Variants in SASH1 observed in about 807,000 individuals in gnomAD.
SASH1 encodes the protein SAM and SH3 domain-containing protein 1.
Under a neutral mutation model 125.2 loss-of-function variants are expected in SASH1, and 44 were observed. That is an observed-to-expected ratio of 0.35 (90% CI 0.28 to 0.45). The LOEUF (loss-of-function observed/expected upper bound fraction) is 0.45. Among genes scored for constraint, SASH1 ranks in the 20% least tolerant of loss-of-function variants. The probability of loss-of-function intolerance (pLI) is 1.00; values close to 1 mark genes in which losing one functional copy is unlikely to be tolerated. For missense variants in SASH1, 1,426 were observed against 1,614.5 expected, an observed-to-expected ratio of 0.88 and a Z score of 2.00; for synonymous variants, 639 against 649.1, an observed-to-expected ratio of 0.98 and a Z score of 0.24.
At position 148,548,866 on chromosome 6, in the gene SASH1, C is replaced by G; in HGVS notation, c.*308C>G. On this transcript the variant is annotated 3_prime_UTR_variant, in exon 20 of 20. Coordinates refer to ENST00000367467, the MANE Select transcript of SASH1 (RefSeq NM_015278.5). ...CGAATGCTCTATCTCCAGTCTGTCT[C>G]TGTGTACTGGTAGAGGCTGGGAGGA... 1 of 277,380 alleles carries G rather than the reference C, an allele frequency of 3.6e-6. No homozygotes were observed. Among genetic ancestry groups the G allele is most frequent in the Non-Finnish European group, 6.8e-6 (1 of 147,344 alleles). The allele number at this position is 277,380 out of a possible 1,614,324, so 17.2% of individuals were successfully genotyped here.
intron 1 of SASH1, among the ~76,000 whole-genome samples, chr6:148,355,165 CATTT>C (rs1781880787): frequency 6.6e-6 from 1 of 152,184 alleles, no homozygotes; most frequent in Non-Finnish European, 1.5e-5. Context: ...AGACCATAAA[CATTT>C]ATTCTGAAAA....
At chr6:148,388,107 G>A (rs1783552474) in intron 1 of SASH1, among the ~76,000 whole-genome samples, 1 of 151,892 alleles carries the variant, frequency 6.6e-6, no homozygotes, top group African/African-American at 2.4e-5. Flanking sequence ...TAGAGACGGG[G>A]TTTCTCCATG....
intron 1 of SASH1, among the ~76,000 whole-genome samples, chr6:148,300,811 T>C (rs1582935527): frequency 6.6e-6 from 1 of 152,284 alleles, no homozygotes; most frequent in East Asian, 1.9e-4. Context: ...TCCTTTCATT[T>C]AGACCAAGGA....
chr6:148,348,869 G>T (rs1190501999), intron 1 of SASH1, among the ~76,000 whole-genome samples: 1 of 152,190 alleles, frequency 6.6e-6, no homozygotes, highest in African/African-American at 2.4e-5. Context: ...CAGCCCCACG[G>T]TCGCTGAGTA....
intron 8 of SASH1, among the ~76,000 whole-genome samples, chr6:148,491,583 T>G (rs1779113406): frequency 6.6e-6 from 1 of 152,208 alleles, no homozygotes; most frequent in Admixed American, 6.5e-5. Context: ...ACATTCATTC[T>G]TCCTGGCTGC....
At chr6:148,537,832 G>GTGTGTGTGTGTGT (rs1269680437) in intron 16 of SASH1, among the ~76,000 whole-genome samples, 2 of 141,444 alleles carry the variant, frequency 1.4e-5, no homozygotes, top group African/African-American at 2.6e-5. Context: ...GTGTGTGTGT[G>GTGTGTGTGTGTGT]GTTGGTGAGG....
At chr6:148,475,291 A>G (rs1447526165) in intron 7 of SASH1, among the ~76,000 whole-genome samples, 1 of 152,218 alleles carries the variant, frequency 6.6e-6, no homozygotes, top group Non-Finnish European at 1.5e-5. Context: ...GTAACAGAAT[A>G]CCACAGACTG....
intron 1 of SASH1, among the ~76,000 whole-genome samples, chr6:148,383,546 A>G (rs1182958884): frequency 6.6e-6 from 1 of 152,146 alleles, no homozygotes; most frequent in Non-Finnish European, 1.5e-5. Flanking sequence ...AGATACATAA[A>G]ATAGGAGGAT....
chr6:148,236,203 A>C, the SASH1 span, among the ~76,000 whole-genome samples: 1 of 151,802 alleles, frequency 6.6e-6, no homozygotes, highest in Non-Finnish European at 1.5e-5. Context: ...TAAATCACAC[A>C]GTTTATTAAA....
At chr6:148,403,886 A>G (rs1204929478) in intron 2 of SASH1, among the ~76,000 whole-genome samples, 3 of 152,360 alleles carry the variant, frequency 2.0e-5, no homozygotes, top group African/African-American at 7.2e-5. Context: ...TTCATATACC[A>G]TAATATTCAC....
chr6:148,419,806 A>C (rs1784980521), intron 2 of SASH1, among the ~76,000 whole-genome samples: 1 of 152,208 alleles, frequency 6.6e-6, no homozygotes, highest in Non-Finnish European at 1.5e-5. Flanking sequence ...CTATGTAGTA[A>C]TATGCATAAC....
chr6:148,227,368 T>A, the SASH1 span, among the ~76,000 whole-genome samples: 1 of 152,162 alleles, frequency 6.6e-6, no homozygotes, highest in Non-Finnish European at 1.5e-5. Flanking sequence ...TGTTTGTTTG[T>A]TTGTTTTGAG....
At chr6:148,455,625 A>G (rs912659784) in intron 4 of SASH1, among the ~76,000 whole-genome samples, 1 of 152,212 alleles carries the variant, frequency 6.6e-6, no homozygotes, top group East Asian at 1.9e-4. Flanking sequence ...GAATTTAAAA[A>G]TGAGATCTGA....
At chr6:148,518,597 CT>C (rs1367986001) in intron 9 of SASH1, among the ~76,000 whole-genome samples, 1 of 152,122 alleles carries the variant, frequency 6.6e-6, no homozygotes, top group Non-Finnish European at 1.5e-5. Context: ...GGAACTTTTC[CT>C]TTTTTCCTCT....
At chr6:148,390,728 C>T (rs1400510189) in intron 2 of SASH1, among the ~76,000 whole-genome samples, 1 of 150,820 alleles carries the variant, frequency 6.6e-6, no homozygotes, top group Non-Finnish European at 1.5e-5. Flanking sequence ...GCAGAGCTTG[C>T]AGTGAGCCAA....
chr6:148,384,416 CATG>C (rs1365091104), intron 1 of SASH1, among the ~76,000 whole-genome samples: 1 of 152,124 alleles, frequency 6.6e-6, no homozygotes, highest in Non-Finnish European at 1.5e-5. Context: ...GTGTTTTAAT[CATG>C]ATATTTATTA....
In SASH1 at chr6:148,549,441, A is replaced by G. The variant is rs972485603; in HGVS notation, c.*883A>G. On this transcript the variant is annotated 3_prime_UTR_variant, in exon 20 of 20. Coordinates refer to ENST00000367467, the MANE Select transcript of SASH1 (RefSeq NM_015278.5). ...TGCGTGCGCGTGTGTGTCTGTATTC[A>G]TAGTGACTGCTTTTGGTTTTAACCA... 2 of 394,888 alleles carry G rather than the reference A, an allele frequency of 5.1e-6. No individual in the cohort carries two copies. Among genetic ancestry groups the G allele is most frequent in the Non-Finnish European group, 8.9e-6 (2 of 223,832 alleles). The allele number at this position is 394,888 out of a possible 1,614,324, so 24.5% of individuals were successfully genotyped here.
At chr6:148,201,839 A>G in the SASH1 span, among the ~76,000 whole-genome samples, 1,623 of 152,228 alleles carry the variant, frequency 0.011, 23 homozygotes, top group African/African-American at 0.037. Context: ...AGATATGGGG[A>G]TGTGCTTGAA....
intron 8 of SASH1, among the ~76,000 whole-genome samples, chr6:148,492,517 G>A (rs1475050039): frequency 6.6e-6 from 1 of 152,102 alleles, no homozygotes; most frequent in Non-Finnish European, 1.5e-5. Flanking sequence ...TAGAGCAGAG[G>A]TTAAAATCAC....
Sources: allele counts gnomAD v4.1 joint callset (sites outside exome capture counted in the v4.1 genomes callset), GRCh38; gene constraint gnomAD v4.1.1; transcripts MANE v1.5; gene names NCBI Gene and HGNC (gene_info 2026-07-23, HGNC 2026-07-21).